The following DEPTOR variants were observed in gnomAD, a reference collection of about 807,000 sequenced individuals.
DEPTOR encodes the protein DEP domain-containing mTOR-interacting protein.
A neutral mutation model predicts 41.6 loss-of-function variants in DEPTOR; 41 were observed. The observed-to-expected ratio is 0.98, with a 90% CI of 0.77 to 1.28. The LOEUF (loss-of-function observed/expected upper bound fraction) is 1.28, where lower values mean the gene tolerates loss of function less well. Ranked by LOEUF, DEPTOR falls within the 50% of genes most tolerant of loss-of-function variation. DEPTOR has a pLI of 0.00. For missense variants in DEPTOR, 514 were observed against 527.9 expected, an observed-to-expected ratio of 0.97 and a Z score of 0.26; for synonymous variants, 195 against 192.3, an observed-to-expected ratio of 1.01 and a Z score of -0.12.
intron 6 of DEPTOR, among the ~76,000 whole-genome samples, chr8:120,006,100 T>C (rs1441609821): frequency 6.6e-6 from 1 of 152,186 alleles, no homozygotes; most frequent in Non-Finnish European, 1.5e-5. Flanking sequence ...AACTCATTCA[T>C]TCTTGTGATG....
chr8:120,034,224 A>G (rs1481665133), intron 8 of DEPTOR, among the ~76,000 whole-genome samples: 1 of 151,022 alleles, frequency 6.6e-6, no homozygotes, highest in African/African-American at 2.4e-5. Flanking sequence ...AAACACTACG[A>G]ACAAGATAGT....
chr8:119,984,258 CTTTTATTTTATTTTTAAA>C (rs775414859), intron 4 of DEPTOR, among the ~76,000 whole-genome samples: 182 of 152,074 alleles, frequency 1.2e-3, no homozygotes, highest in Non-Finnish European at 2.1e-3. Flanking sequence ...GCTACTAGGC[CTTTTATTTTATTTTTAAA>C]TTTTATTTTA....
chr8:120,046,433 C>T (rs1284557677), intron 8 of DEPTOR, among the ~76,000 whole-genome samples: 7 of 151,530 alleles, frequency 4.6e-5, no homozygotes, highest in African/African-American at 1.7e-4. Flanking sequence ...CTGGACATTT[C>T]ATATAAATGG....
At chr8:120,047,299 G>C (rs1277537948) in intron 8 of DEPTOR, among the ~76,000 whole-genome samples, 6 of 152,012 alleles carry the variant, frequency 3.9e-5, no homozygotes, top group African/African-American at 1.4e-4. Flanking sequence ...TGGGATTACA[G>C]ATGTGAGCCA....
intron 4 of DEPTOR, among the ~76,000 whole-genome samples, chr8:119,967,060 G>A (rs1202032690): frequency 6.6e-6 from 1 of 151,870 alleles, no homozygotes. Context: ...TGGAATGGGA[G>A]TCTTTTTTGT....
At chr8:119,903,681 ATC>A (rs1024784709) in intron 1 of DEPTOR, among the ~76,000 whole-genome samples, 1 of 152,166 alleles carries the variant, frequency 6.6e-6, no homozygotes, top group African/African-American at 2.4e-5. Context: ...CTTATGGGGA[ATC>A]CAGACTGACT....
At chr8:119,892,591 A>G (rs767214604) in intron 1 of DEPTOR, among the ~76,000 whole-genome samples, 1 of 152,228 alleles carries the variant, frequency 6.6e-6, no homozygotes, top group Non-Finnish European at 1.5e-5. Context: ...TATGAAAAGC[A>G]TGATTTTTCT....
At chr8:119,934,522 A>C (rs111411343) in intron 3 of DEPTOR, among the ~76,000 whole-genome samples, 2,376 of 152,226 alleles carry the variant, frequency 0.016, 62 homozygotes, top group African/African-American at 0.055. Flanking sequence ...CAGCAGGCTG[A>C]CTAAATCTCT....
intron 1 of DEPTOR, among the ~76,000 whole-genome samples, chr8:119,875,410 G>A (rs570451894): frequency 4.9e-4 from 75 of 152,306 alleles, no homozygotes; most frequent in African/African-American, 1.8e-3. Flanking sequence ...GTAAAGAGTA[G>A]AGTAAGGAAG....
At chr8:119,969,769 T>C (rs1444846453) in intron 4 of DEPTOR, 1 of 152,186 alleles carries the variant, frequency 6.6e-6, no homozygotes, top group Non-Finnish European at 1.5e-5. Flanking sequence ...CAGTAATTCA[T>C]TGATAGGTCA....
chr8:120,020,273 G>A (rs1812680276), intron 8 of DEPTOR, among the ~76,000 whole-genome samples: 1 of 152,020 alleles, frequency 6.6e-6, no homozygotes, highest in African/African-American at 2.4e-5. Flanking sequence ...GTAGAGACGG[G>A]GTTTCACCAG....
Position 119,950,427 on chromosome 8 carries a change from T to C in DEPTOR, c.426-14805T>C, listed in dbSNP as rs193234206. On this transcript the variant is annotated intron_variant, in intron 3 of 8. Transcript: ENST00000286234. Reference sequence around the variant, plus strand: ...AAATTTAAATTTAATTTAATTTAATTTTTTTTGAGACGAAGTCTTGCTCTG... The same window carrying C: ...AAATTTAAATTTAATTTAATTTAATCTTTTTTGAGACGAAGTCTTGCTCTG... Among the ~76,000 whole-genome samples the C allele has an allele frequency of 7.2e-5, 11 of 152,158 alleles. No homozygotes were observed. The East Asian group carries it at 1.9e-3, about 27-fold the overall frequency.
At chr8:119,945,958 G>A (rs1828266465) in intron 3 of DEPTOR, among the ~76,000 whole-genome samples, 1 of 152,184 alleles carries the variant, frequency 6.6e-6, no homozygotes, top group Non-Finnish European at 1.5e-5. Context: ...GGTTTTAAAG[G>A]AGGAGGATAT....
At chr8:119,951,761 G>C (rs1036306319) in intron 3 of DEPTOR, among the ~76,000 whole-genome samples, 1 of 152,098 alleles carries the variant, frequency 6.6e-6, no homozygotes, top group Non-Finnish European at 1.5e-5. Context: ...AGTTTTCTAA[G>C]AAATAAAAAC....
intron 8 of DEPTOR, among the ~76,000 whole-genome samples, chr8:120,015,150 G>A (rs1812589727): frequency 6.6e-6 from 1 of 152,116 alleles, no homozygotes; most frequent in Admixed American, 6.6e-5. Context: ...GATGTTTTCT[G>A]TAGTCTACAA....
chr8:119,931,339 T>A (rs1828041490), intron 3 of DEPTOR, among the ~76,000 whole-genome samples: 1 of 151,862 alleles, frequency 6.6e-6, no homozygotes, highest in South Asian at 2.1e-4. Context: ...CCAGACAGAG[T>A]TTGAAGTGTA....
At chr8:120,014,117 T>C (rs954823694) in intron 8 of DEPTOR, among the ~76,000 whole-genome samples, 1 of 152,196 alleles carries the variant, frequency 6.6e-6, no homozygotes, top group African/African-American at 2.4e-5. Flanking sequence ...AAAAATAAAA[T>C]CTGTAAACGT....
chr8:119,966,915 A>C (rs1828569237), intron 4 of DEPTOR, among the ~76,000 whole-genome samples: 1 of 152,196 alleles, frequency 6.6e-6, no homozygotes, highest in Non-Finnish European at 1.5e-5. Context: ...GTTATGTAGA[A>C]ATATGATTGG....
At chr8:119,921,756 T>G (rs115544660) in intron 1 of DEPTOR, among the ~76,000 whole-genome samples, 2,302 of 146,650 alleles carry the variant, frequency 0.016, 98 homozygotes, top group African/African-American at 0.049. Context: ...TAGTTTTTTT[T>G]TTTGTTTGTT....
Sources: allele counts gnomAD v4.1 joint callset (sites outside exome capture counted in the v4.1 genomes callset), GRCh38; gene constraint gnomAD v4.1.1; transcripts MANE v1.5; gene names NCBI Gene and HGNC (gene_info 2026-07-23, HGNC 2026-07-21).